PPP1R14C: variants seen among roughly 807,000 people sequenced by gnomAD.
The protein encoded by PPP1R14C is protein phosphatase 1 regulatory inhibitor subunit 14C, also known as protein phosphatase 1 regulatory subunit 14C.
Under a neutral mutation model 20.4 loss-of-function variants are expected in PPP1R14C, and 16 were observed. That is an observed-to-expected ratio of 0.78 (90% confidence interval 0.53 to 1.19). The LOEUF is 1.19. Ranked by LOEUF, PPP1R14C falls within the 50% of genes most tolerant of loss-of-function variation. The pLI is 0.00. For synonymous variants in PPP1R14C, 91 were observed against 91.0 expected (o/e 1.00, Z 0.00); for missense variants, 211 against 220.1 (o/e 0.96, Z 0.26).
chr6:150,227,100 A>G (rs1159209421), intron 3 of PPP1R14C, among the ~76,000 whole-genome samples: 1 of 152,240 alleles, frequency 6.6e-6, no homozygotes, highest in East Asian at 1.9e-4. Flanking sequence ...ATCTTTTAAA[A>G]TCATTGTTCA....
At chr6:150,147,126 CTTT>C (rs557703706) in intron 1 of PPP1R14C, among the ~76,000 whole-genome samples, 4 of 133,382 alleles carry the variant, frequency 3.0e-5, no homozygotes, top group African/African-American at 2.8e-5. Flanking sequence ...GTTTAAAGAC[CTTT>C]TTTTTTTTTT....
At chr6:150,218,092 C>G (rs971390841) in intron 3 of PPP1R14C, among the ~76,000 whole-genome samples, 2 of 151,988 alleles carry the variant, frequency 1.3e-5, no homozygotes, top group African/African-American at 4.8e-5. Flanking sequence ...GTCAACATGG[C>G]GAGATCTCGT....
chr6:150,208,286 A>G (rs1335713154), intron 1 of PPP1R14C, among the ~76,000 whole-genome samples: 1 of 152,114 alleles, frequency 6.6e-6, no homozygotes, highest in Non-Finnish European at 1.5e-5. Context: ...GTTGGCTTCC[A>G]TGCTCTGTTG....
intron 1 of PPP1R14C, among the ~76,000 whole-genome samples, chr6:150,161,946 A>T (rs945263770): frequency 6.6e-6 from 1 of 152,230 alleles, no homozygotes; most frequent in Non-Finnish European, 1.5e-5. Context: ...ACTTTAACAA[A>T]TGCAGAGTGT....
At chr6:150,156,515 A>G (rs1475402383) in intron 1 of PPP1R14C, among the ~76,000 whole-genome samples, 2 of 152,310 alleles carry the variant, frequency 1.3e-5, no homozygotes, top group East Asian at 3.9e-4. Flanking sequence ...TGTTAATGGA[A>G]TTAAATCTGT....
At chr6:150,168,477 G>C (rs990822089) in intron 1 of PPP1R14C, among the ~76,000 whole-genome samples, 3 of 152,080 alleles carry the variant, frequency 2.0e-5, no homozygotes, top group African/African-American at 7.2e-5. Flanking sequence ...AGCTTGCAGT[G>C]AGCCGAGATA....
At chr6:150,228,785 T>C (rs1231960039) in intron 3 of PPP1R14C, among the ~76,000 whole-genome samples, 6 of 152,040 alleles carry the variant, frequency 3.9e-5, no homozygotes, top group African/African-American at 1.5e-4. Flanking sequence ...CACTATACAC[T>C]CTTAGAAGCA....
chr6:150,196,317 CAGT>C (rs1281235210), intron 1 of PPP1R14C, among the ~76,000 whole-genome samples: 41 of 81,134 alleles, frequency 5.1e-4, no homozygotes, highest in Non-Finnish European at 1.1e-3. Flanking sequence ...GTAAATCATT[CAGT>C]CAGTCACTCA....
At chr6:150,167,217 A>G in intron 1 of PPP1R14C, among the ~76,000 whole-genome samples, 1 of 152,140 alleles carries the variant, frequency 6.6e-6, no homozygotes, top group African/African-American at 2.4e-5. Flanking sequence ...AATACAAAAA[A>G]ATTAGCTGGG....
At chr6:150,210,255 T>G (rs542247561) in intron 1 of PPP1R14C, among the ~76,000 whole-genome samples, 10 of 152,258 alleles carry the variant, frequency 6.6e-5, no homozygotes, top group Admixed American at 5.9e-4. Flanking sequence ...GTGAGGTGTC[T>G]TCAGAGCCCC....
At chr6:150,224,755 A>G (rs1252102216) in intron 3 of PPP1R14C, among the ~76,000 whole-genome samples, 1 of 152,122 alleles carries the variant, frequency 6.6e-6, no homozygotes, top group Non-Finnish European at 1.5e-5. Context: ...GCTGTATCTG[A>G]GTGGTTCTAA....
chr6:150,217,126 T>A (rs527512269), intron 3 of PPP1R14C, among the ~76,000 whole-genome samples: 60 of 152,330 alleles, frequency 3.9e-4, no homozygotes, highest in Non-Finnish European at 7.6e-4. Flanking sequence ...GTGAAAGGGT[T>A]TGGAATCATT....
intron 1 of PPP1R14C, among the ~76,000 whole-genome samples, chr6:150,213,346 A>ACACACAC (rs1562271283): frequency 4.2e-4 from 63 of 149,412 alleles, no homozygotes; most frequent in East Asian, 4.0e-3. Flanking sequence ...TTTGTGTTGT[A>ACACACAC]ACACACACAC....
intron 1 of PPP1R14C, among the ~76,000 whole-genome samples, chr6:150,176,865 G>A (rs1045660098): frequency 6.6e-6 from 1 of 152,158 alleles, no homozygotes; most frequent in Admixed American, 6.5e-5. Context: ...CAAGGAGATG[G>A]GTTTTATACG....
intron 3 of PPP1R14C, among the ~76,000 whole-genome samples, chr6:150,228,160 G>A (rs1172554798): frequency 1.3e-5 from 2 of 152,158 alleles, no homozygotes; most frequent in African/African-American, 4.8e-5. Flanking sequence ...AGAAATGTTA[G>A]GTAAGCTTGC....
chr6:150,160,291 G>A (rs536503641), intron 1 of PPP1R14C, among the ~76,000 whole-genome samples: 75 of 128,664 alleles, frequency 5.8e-4, no homozygotes, highest in Middle Eastern at 4.7e-3. Flanking sequence ...TTGAGACGGA[G>A]TCTTGCTCTG....
chr6:150,167,339 G>A lies in PPP1R14C; in HGVS notation c.306+23841G>A, dbSNP rs530384317. ...GCCGAGATCGCACCACTGCACTCCA[G>A]CCTGGGTGACAGAGCAAGACTCCGT... On this transcript the variant is annotated intron_variant, in intron 1 of 3. Coordinates refer to ENST00000361131, the MANE Select transcript of PPP1R14C (RefSeq NM_030949.3). Among the ~76,000 whole-genome samples, 3 of 152,124 alleles carry A rather than the reference G, an allele frequency of 2.0e-5. No homozygotes were observed. The East Asian group carries it at 5.8e-4, about 29-fold the overall frequency.
At chr6:150,220,660 G>T (rs1337910501) in intron 3 of PPP1R14C, among the ~76,000 whole-genome samples, 4 of 152,194 alleles carry the variant, frequency 2.6e-5, no homozygotes, top group African/African-American at 7.2e-5. Context: ...AGAAATTCAT[G>T]CTTTGGTTAT....
intron 1 of PPP1R14C, among the ~76,000 whole-genome samples, chr6:150,206,438 G>A (rs1777951650): frequency 6.6e-6 from 1 of 152,110 alleles, no homozygotes; most frequent in Admixed American, 6.6e-5. Flanking sequence ...GCAGGGGTTT[G>A]CCTGGTGTTC....
Sources: allele counts gnomAD v4.1 joint callset (sites outside exome capture counted in the v4.1 genomes callset), GRCh38; gene constraint gnomAD v4.1.1; transcripts MANE v1.5; gene names NCBI Gene and HGNC (gene_info 2026-07-23, HGNC 2026-07-21).